The following DTD1 variants were observed in gnomAD, a reference collection of about 807,000 sequenced individuals.
DTD1 encodes the protein D-tyrosyl-tRNA deacylase 1 homolog.
Under a neutral mutation model 25.6 loss-of-function variants are expected in DTD1, and 13 were observed. The ratio of observed to expected loss-of-function variants is 0.51; its 90% CI spans 0.33 to 0.81. The LOEUF is 0.81. DTD1 is among the 30% of genes least tolerant of loss of function. The pLI, the probability that DTD1 is intolerant of heterozygous loss-of-function variation, is 0.02. For missense variants in DTD1, 193 were observed against 266.4 expected, an observed-to-expected ratio of 0.72 and a Z score of 1.92; for synonymous variants, 110 against 103.6, an observed-to-expected ratio of 1.06 and a Z score of -0.37.
At chr20:18,677,613 T>C (rs2060981410) in intron 4 of DTD1, among the ~76,000 whole-genome samples, 1 of 152,208 alleles carries the variant, frequency 6.6e-6, no homozygotes. Context: ...CACTGATTAA[T>C]GCAGATGTTT....
intron 3 of DTD1, among the ~76,000 whole-genome samples, chr20:18,601,584 G>A (rs1239829338): frequency 4.6e-5 from 7 of 151,086 alleles, no homozygotes; most frequent in Admixed American, 1.3e-4. Flanking sequence ...TCTGAGAACC[G>A]GCAGACTGCC....
At chr20:18,637,635 A>G (rs534303687) in intron 4 of DTD1, among the ~76,000 whole-genome samples, 20 of 152,330 alleles carry the variant, frequency 1.3e-4, no homozygotes, top group African/African-American at 4.6e-4. Context: ...ATAAAAACCC[A>G]GGGTGATCGA....
intron 4 of DTD1, among the ~76,000 whole-genome samples, chr20:18,704,912 G>A (rs984600341): frequency 3.3e-5 from 5 of 152,196 alleles, no homozygotes. Context: ...CTGCCAAGGG[G>A]AGACTTGGGT....
intron 3 of DTD1, among the ~76,000 whole-genome samples, chr20:18,619,535 C>T (rs1344086835): frequency 6.6e-6 from 1 of 152,166 alleles, no homozygotes; most frequent in African/African-American, 2.4e-5. Context: ...CACGATTCTC[C>T]TGCCTCAGTC....
rs143402606 is a variant in DTD1, at chr20:18,754,230, G to A, written c.*20-9130G>A. ...TCAGTGTTTACGTGGGCTGTGAAGG[G>A]TTTCCTTTCTTCTGGTCCTGGTCTG... On this transcript the variant is annotated intron_variant, in intron 5 of 5. Transcript: ENST00000377452. Among the ~76,000 whole-genome samples, 544 of 152,272 alleles carry A rather than the reference G, an allele frequency of 3.6e-3. 2 individuals are homozygous for A. Among genetic ancestry groups the A allele is most frequent in the African/African-American group, 0.012 (501 of 41,550 alleles).
intron 4 of DTD1, chr20:18,675,223 A>C (rs2060965628): frequency 6.6e-6 from 1 of 152,206 alleles, no homozygotes; most frequent in South Asian, 2.1e-4. Context: ...TCCTCACAAC[A>C]TGTGGACTGG....
In DTD1 at chr20:18,649,668, G is replaced by A. The variant is rs2060865982; in HGVS notation, c.477+21435G>A. On this transcript the variant is annotated intron_variant, in intron 4 of 5. Transcript: ENST00000377452. ...AGGCAAGTTCTGGTTCAGATGGAAA[G>A]TGTGAGCTCTTGGGGCTTTCAACAC... 2.0e-5 allele frequency among the ~76,000 whole-genome samples: 3 copies of A among 152,170 alleles called. No homozygotes were observed. In the South Asian group the frequency reaches 6.2e-4, roughly 31 times the overall value.
At chr20:18,606,708 C>G (rs2060659989) in intron 3 of DTD1, among the ~76,000 whole-genome samples, 1 of 131,252 alleles carries the variant, frequency 7.6e-6, no homozygotes, top group Non-Finnish European at 1.6e-5. Flanking sequence ...TGTTCTCACT[C>G]ATAGGTGGGA....
chr20:18,596,180 G>A lies in DTD1; in HGVS notation c.309G>A (p.Glu103=). 6.2e-7 allele frequency: 1 copy of A among 1,614,192 alleles called. No individual in the cohort carries two copies. Among genetic ancestry groups the A allele is most frequent in the Non-Finnish European group, 8.5e-7 (1 of 1,180,028 alleles). ...TAGCAATGCCCACGGAGCAGGCAGA[G>A]GGCTTCTACAACAGCTTCCTGGAGC... ...FHLAMPTEQA[E]GFYNSFLEQL... Residue 103 remains glutamate (E), a synonymous_variant, in exon 3 of 6, where the codon GAG becomes GAA. Coordinates refer to ENST00000377452, the MANE Select transcript of DTD1 (RefSeq NM_080820.6).
rs182395561 is a variant in DTD1, at chr20:18,699,433, A to G, written c.478-44667A>G. On this transcript the variant is annotated intron_variant, in intron 4 of 5. Coordinates refer to ENST00000377452, the MANE Select transcript of DTD1 (RefSeq NM_080820.6). ...GTGACAGCAAGCCTTGAACAGGCTAACAGGGACATGGGCAGGGGCAGCTTT... is the reference window on the plus strand; with the variant it reads ...GTGACAGCAAGCCTTGAACAGGCTAGCAGGGACATGGGCAGGGGCAGCTTT... Among the ~76,000 whole-genome samples the G allele has an allele frequency of 1.4e-3, 215 of 152,322 alleles. 2 individuals are homozygous for G. The highest frequency in any genetic ancestry group is 3.4e-3 in the Middle Eastern group (1 of 294).
intron 4 of DTD1, among the ~76,000 whole-genome samples, chr20:18,717,330 T>C (rs1023386495): frequency 2.0e-5 from 3 of 152,218 alleles, no homozygotes; most frequent in Non-Finnish European, 4.4e-5. Flanking sequence ...TTGATGCAGC[T>C]ACTATGATTT....
intron 3 of DTD1, among the ~76,000 whole-genome samples, chr20:18,598,625 G>A (rs1157588045): frequency 6.6e-6 from 1 of 151,400 alleles, no homozygotes; most frequent in Non-Finnish European, 1.5e-5. Context: ...AGCCTCCCGA[G>A]TAGCTGGGAC....
At chr20:18,651,470 A>C (rs2060873903) in intron 4 of DTD1, among the ~76,000 whole-genome samples, 1 of 152,204 alleles carries the variant, frequency 6.6e-6, no homozygotes, top group Admixed American at 6.5e-5. Flanking sequence ...TAGTTTTAAA[A>C]ATTGTTGGTA....
At chr20:18,668,120 A>G (rs2060938715) in intron 4 of DTD1, among the ~76,000 whole-genome samples, 1 of 152,224 alleles carries the variant, frequency 6.6e-6, no homozygotes, top group Non-Finnish European at 1.5e-5. Context: ...TTCTTGCAGT[A>G]CTGTTGAACA....
intron 1 of DTD1, among the ~76,000 whole-genome samples, chr20:18,590,413 T>A (rs1476137711): frequency 6.6e-6 from 1 of 151,018 alleles, no homozygotes; most frequent in South Asian, 2.1e-4. Flanking sequence ...CATTTTTTTT[T>A]ATAGTAACCC....
chr20:18,610,701 G>C (rs998834269), intron 3 of DTD1, among the ~76,000 whole-genome samples: 1 of 152,172 alleles, frequency 6.6e-6, no homozygotes, highest in Non-Finnish European at 1.5e-5. Flanking sequence ...CTTGAGCCCA[G>C]GAGTTTAAGA....
intron 5 of DTD1, among the ~76,000 whole-genome samples, chr20:18,758,883 C>A (rs186012694): frequency 4.6e-5 from 7 of 151,852 alleles, no homozygotes; most frequent in African/African-American, 1.7e-4. Flanking sequence ...TAAAGTCTCC[C>A]ATTATTATTG....
chr20:18,606,074 T>G (rs1325309679), intron 3 of DTD1, among the ~76,000 whole-genome samples: 2 of 108,964 alleles, frequency 1.8e-5, no homozygotes, highest in African/African-American at 6.5e-5. Context: ...CTCAAACAAA[T>G]TTACAAGAAA....
chr20:18,709,726 G>T (rs1052190263), intron 4 of DTD1, among the ~76,000 whole-genome samples: 1 of 152,188 alleles, frequency 6.6e-6, no homozygotes, highest in East Asian at 1.9e-4. Flanking sequence ...ATACCCAGGT[G>T]TACTTGGTAT....
Sources: allele counts gnomAD v4.1 joint callset (sites outside exome capture counted in the v4.1 genomes callset), GRCh38; gene constraint gnomAD v4.1.1; transcripts MANE v1.5; gene names NCBI Gene and HGNC (gene_info 2026-07-23, HGNC 2026-07-21).